Variants in MGAT4C observed in about 807,000 individuals in gnomAD.
MGAT4C encodes MGAT4 family member C.
MGAT4C carries 19 observed loss-of-function variants against 40.1 expected under a neutral mutation model. That is an observed-to-expected ratio of 0.47 (90% CI 0.33 to 0.70). MGAT4C has a LOEUF of 0.70. MGAT4C is among the 30% of genes least tolerant of loss of function. The pLI is 0.02. For missense variants in MGAT4C, 491 were observed against 563.2 expected, an observed-to-expected ratio of 0.87 and a Z score of 1.30; for synonymous variants, 181 against 187.1, an observed-to-expected ratio of 0.97 and a Z score of 0.27.
chr12:86,576,364 G>A (rs571038184), intron 2 of MGAT4C, among the ~76,000 whole-genome samples: 89 of 151,696 alleles, frequency 5.9e-4, no homozygotes, highest in African/African-American at 1.7e-3. Flanking sequence ...CGTTTGCTTT[G>A]GTTTTCTTGT....
intron 2 of MGAT4C, chr12:86,011,717 A>T (rs940950047): frequency 2.0e-6 from 1 of 488,362 alleles, no homozygotes; most frequent in Admixed American, 6.4e-5. Context: ...TCCCAGTGTA[A>T]AAAAAGTATG....
At chr12:86,056,488 G>C (rs931133330) in intron 1 of MGAT4C, among the ~76,000 whole-genome samples, 1 of 152,106 alleles carries the variant, frequency 6.6e-6, no homozygotes, top group East Asian at 1.9e-4. Flanking sequence ...GCAGTGTTTG[G>C]TTTTCTGTTC....
chr12:86,703,510 C>CA lies in MGAT4C; in HGVS notation c.-229+23698dup, dbSNP rs1216284925. 4.6e-5 allele frequency among the ~76,000 whole-genome samples: 7 copies of CA among 151,816 alleles called. No homozygotes were observed. The East Asian group carries it at 5.8e-4, about 13-fold the overall frequency. ...ACATTGAGGCAAGACCTTCCACCAACAAAAAAAATTCAACTCACTGAAGGC... is the reference window on the plus strand; with the variant it reads ...ACATTGAGGCAAGACCTTCCACCAACAAAAAAAAATTCAACTCACTGAAGGC... On this transcript the variant is annotated intron_variant, in intron 2 of 7. Coordinates refer to the MGAT4C transcript ENST00000548651.
At chr12:86,184,664 T>C (rs1384086704) in intron 1 of MGAT4C, among the ~76,000 whole-genome samples, 1 of 148,938 alleles carries the variant, frequency 6.7e-6, no homozygotes, top group Non-Finnish European at 1.5e-5. Flanking sequence ...CTTTCCTTTC[T>C]CTCTTTGTTG....
chr12:86,534,984 C>A (rs1329258675), intron 2 of MGAT4C, among the ~76,000 whole-genome samples: 1 of 151,988 alleles, frequency 6.6e-6, no homozygotes, highest in Non-Finnish European at 1.5e-5. Flanking sequence ...GAGGTAATAT[C>A]TAGGAAAAAA....
At chr12:86,710,379 A>C (rs1356314805) in intron 2 of MGAT4C, among the ~76,000 whole-genome samples, 1 of 152,228 alleles carries the variant, frequency 6.6e-6, no homozygotes, top group Non-Finnish European at 1.5e-5. Flanking sequence ...GAGTTGTCTT[A>C]CATCAGCTTC....
rs963419266 is a variant in MGAT4C, at chr12:85,974,066, C to A, written c.*5223G>T. 9 of 150,722 alleles carry A rather than the reference C, an allele frequency of 6.0e-5. No individual in the cohort carries two copies. Among genetic ancestry groups the A allele is most frequent in the African/African-American group, 1.7e-4 (7 of 41,246 alleles). 9.3% of individuals were successfully genotyped at this position (150,722 alleles called of 1,614,324 possible). On this transcript the variant is annotated 3_prime_UTR_variant, in exon 5 of 5. Coordinates refer to ENST00000611864, the MANE Select transcript of MGAT4C (RefSeq NM_001351288.2). The stretch of plus-strand genomic sequence containing the variant: ...ATTTTTATAGCTTAGAAAGAGAATG[C>A]TATGCAACTCATATTTTGATCTTTT...
chr12:86,610,993 C>G (rs1278177124), intron 2 of MGAT4C, among the ~76,000 whole-genome samples: 1 of 151,792 alleles, frequency 6.6e-6, no homozygotes. Context: ...AAATGGCTGA[C>G]TCTGGTAAGT....
At chr12:86,173,551 AAT>A (rs1262780056) in intron 1 of MGAT4C, among the ~76,000 whole-genome samples, 1 of 152,144 alleles carries the variant, frequency 6.6e-6, no homozygotes, top group Non-Finnish European at 1.5e-5. Flanking sequence ...CACAATTATA[AAT>A]ATATCACATT....
chr12:86,066,417 C>T (rs562608609), intron 1 of MGAT4C, among the ~76,000 whole-genome samples: 7 of 152,024 alleles, frequency 4.6e-5, no homozygotes, highest in Non-Finnish European at 8.8e-5. Context: ...ACATCTGCAA[C>T]CATCTTACCT....
chr12:86,641,516 T>G (rs901419948), intron 2 of MGAT4C, among the ~76,000 whole-genome samples: 1 of 151,316 alleles, frequency 6.6e-6, no homozygotes, highest in Non-Finnish European at 1.5e-5. Context: ...ACTTAAAGTA[T>G]AATAATAATA....
At chr12:86,319,885 A>T (rs150818760) in intron 4 of MGAT4C, among the ~76,000 whole-genome samples, 1 of 152,306 alleles carries the variant, frequency 6.6e-6, no homozygotes, top group Non-Finnish European at 1.5e-5. Flanking sequence ...AAATTTTTTT[A>T]AAGTCCATAA....
At chr12:86,440,647 T>G (rs547180789) in intron 2 of MGAT4C, among the ~76,000 whole-genome samples, 2 of 152,038 alleles carry the variant, frequency 1.3e-5, no homozygotes, top group African/African-American at 2.4e-5. Flanking sequence ...GGAAAAGAAA[T>G]AAATAAATAC....
chr12:86,290,506 A>G (rs544612775), intron 4 of MGAT4C, among the ~76,000 whole-genome samples: 1 of 152,320 alleles, frequency 6.6e-6, no homozygotes, highest in East Asian at 1.9e-4. Flanking sequence ...GATATTGACA[A>G]AACAAAATTG....
chr12:85,981,503 T>C (rs1884602547), intron 4 of MGAT4C, among the ~76,000 whole-genome samples: 2 of 152,212 alleles, frequency 1.3e-5, no homozygotes, highest in Admixed American at 1.3e-4. Context: ...TTAAATACCT[T>C]GGCTTACAAC....
chr12:86,607,121 C>T (rs114093700), intron 2 of MGAT4C, among the ~76,000 whole-genome samples: 3,028 of 152,008 alleles, frequency 0.02, 95 homozygotes, highest in African/African-American at 0.069. Flanking sequence ...AAGAGAAATT[C>T]TCATACTTTT....
intron 2 of MGAT4C, among the ~76,000 whole-genome samples, chr12:86,023,101 A>G (rs1889923079): frequency 6.6e-6 from 1 of 152,180 alleles, no homozygotes; most frequent in Non-Finnish European, 1.5e-5. Flanking sequence ...CTCATGATAA[A>G]CAAAATGAAC....
chr12:86,566,567 T>TAC (rs1960123036), intron 2 of MGAT4C, among the ~76,000 whole-genome samples: 1 of 131,690 alleles, frequency 7.6e-6, no homozygotes, highest in Non-Finnish European at 1.6e-5. Context: ...TATATATATA[T>TAC]ATATATATGT....
intron 4 of MGAT4C, among the ~76,000 whole-genome samples, chr12:86,302,846 T>C (rs545335993): frequency 2.7e-5 from 4 of 150,788 alleles, no homozygotes; most frequent in African/African-American, 1.0e-4. Context: ...ATTTCAACAG[T>C]TGACATACTT....
Sources: gnomAD v4.1 joint callset for allele counts (sites outside exome capture counted in the v4.1 genomes callset) on GRCh38, gnomAD v4.1.1 for gene constraint, MANE v1.5 for transcripts, NCBI Gene and HGNC (gene_info 2026-07-23, HGNC 2026-07-21) for gene names.